The following PTPRQ variants were observed in gnomAD, a reference collection of about 807,000 sequenced individuals.
The protein encoded by PTPRQ is protein tyrosine phosphatase receptor type Q.
PTPRQ carries 199 observed loss-of-function variants against 246.0 expected under a neutral mutation model. The observed-to-expected ratio is 0.81, with a 90% CI of 0.72 to 0.91. The LOEUF is 0.91. Among genes scored for constraint, PTPRQ ranks in the 40% least tolerant of loss-of-function variants. PTPRQ has a pLI of 0.00. For missense variants in PTPRQ, 2,624 were observed against 2,528.4 expected (o/e 1.04, Z -0.81); for synonymous variants, 869 against 853.2 (o/e 1.02, Z -0.32).
chr12:80,495,627 A>T (rs1894593438), intron 12 of PTPRQ, among the ~76,000 whole-genome samples: 1 of 152,100 alleles, frequency 6.6e-6, no homozygotes, highest in Admixed American at 6.6e-5. Flanking sequence ...AAATTTACTT[A>T]ACTGAAGGAA....
At chr12:80,470,764 C>T (rs543791234) in intron 7 of PTPRQ, among the ~76,000 whole-genome samples, 21 of 152,030 alleles carry the variant, frequency 1.4e-4, no homozygotes, top group Non-Finnish European at 2.8e-4. Context: ...GTGATTAAAT[C>T]AATGGATTGT....
chr12:80,521,556 G>A (rs1895487716), intron 17 of PTPRQ, among the ~76,000 whole-genome samples: 4 of 151,816 alleles, frequency 2.6e-5, no homozygotes. Flanking sequence ...GTAAGGAAGG[G>A]ATCCAGTTTC....
intron 25 of PTPRQ, among the ~76,000 whole-genome samples, chr12:80,586,247 A>C (rs1050510415): frequency 3.3e-5 from 5 of 151,952 alleles, no homozygotes; most frequent in African/African-American, 7.3e-5. Context: ...ACATGAACAG[A>C]CACTTCTCAA....
At chr12:80,523,425 C>CTTGCTTCTCTAGTTCTT (rs1362392940) in intron 17 of PTPRQ, among the ~76,000 whole-genome samples, 1 of 152,034 alleles carries the variant, frequency 6.6e-6, no homozygotes, top group African/African-American at 2.4e-5. Flanking sequence ...TGTGTTTGCT[C>CTTGCTTCTCTAGTTCTT]TTGCTTCTCT....
chr12:80,521,524 T>C (rs1035898355), intron 17 of PTPRQ, among the ~76,000 whole-genome samples: 2 of 152,330 alleles, frequency 1.3e-5, no homozygotes, highest in Non-Finnish European at 2.9e-5. Context: ...TAATCCATCT[T>C]GAATTAATTT....
At chr12:80,656,393 A>G (rs1369062664) in intron 38 of PTPRQ, among the ~76,000 whole-genome samples, 1 of 152,148 alleles carries the variant, frequency 6.6e-6, no homozygotes, top group Non-Finnish European at 1.5e-5. Flanking sequence ...AGGAGCAGAG[A>G]AGCTTAGCAA....
intron 39 of PTPRQ, among the ~76,000 whole-genome samples, chr12:80,663,278 T>C (rs1900687639): frequency 6.6e-6 from 1 of 151,962 alleles, no homozygotes; most frequent in Non-Finnish European, 1.5e-5. Context: ...TGTGTATGTA[T>C]ATAAAATATA....
intron 3 of PTPRQ, among the ~76,000 whole-genome samples, chr12:80,449,808 G>A (rs1333469215): frequency 6.6e-6 from 1 of 152,148 alleles, no homozygotes; most frequent in Admixed American, 6.5e-5. Flanking sequence ...GTCAGGTAGT[G>A]TGATGCCTCC....
Position 80,591,125 on chromosome 12 carries a change from T to A in PTPRQ, c.4609+2673T>A, listed in dbSNP as rs944699772. ...AGGATCTGCCTTGATCATTGCTTTT[T>A]TTTTTTTTTTTTTTTTTTGCGACAG... On this transcript the variant is annotated intron_variant, in intron 26 of 44. Transcript: ENST00000644991. Among the ~76,000 whole-genome samples the A allele has an allele frequency of 5.0e-4, 72 of 143,188 alleles. No individual in the cohort carries two copies. The East Asian group carries it at 6.8e-3, about 14-fold the overall frequency. 93.9% of individuals were successfully genotyped at this position (143,188 alleles called of 152,430 possible).
At chr12:80,481,890 G>T (rs972424808) in intron 8 of PTPRQ, among the ~76,000 whole-genome samples, 1 of 150,752 alleles carries the variant, frequency 6.6e-6, no homozygotes, top group Admixed American at 6.6e-5. Context: ...ACAAACAAAT[G>T]GAAGAACATT....
At chr12:80,558,302 G>C (rs192344923) in intron 25 of PTPRQ, among the ~76,000 whole-genome samples, 106 of 151,750 alleles carry the variant, frequency 7.0e-4, no homozygotes, top group African/African-American at 2.5e-3. Flanking sequence ...CGAGTAGCTG[G>C]GACTACAGGC....
At chr12:80,574,679 A>G (rs1015843971) in intron 25 of PTPRQ, among the ~76,000 whole-genome samples, 1 of 152,188 alleles carries the variant, frequency 6.6e-6, no homozygotes, top group Non-Finnish European at 1.5e-5. Flanking sequence ...TGAATTTTGC[A>G]GAAGTATTCC....
chr12:80,673,309 G>T lies in PTPRQ; in HGVS notation c.6738+5G>T. On this transcript the variant is annotated splice_donor_5th_base_variant and intron_variant, in intron 43 of 44. Transcript: ENST00000644991. ...ATGTGCATGGTGCAGAATCTGGTAA[G>T]ATCTCTAAACCTGCACTGCATTCTA... 1 of 1,546,872 alleles carries T rather than the reference G, an allele frequency of 6.5e-7. No individual in the cohort carries two copies. Among genetic ancestry groups the T allele is most frequent in the South Asian group, 1.2e-5 (1 of 82,994 alleles).
chr12:80,591,166 C>T (rs1206125228), intron 26 of PTPRQ, among the ~76,000 whole-genome samples: 2 of 135,612 alleles, frequency 1.5e-5, no homozygotes, highest in African/African-American at 5.6e-5. Context: ...CATTCTTTCA[C>T]CCAGGCTGGG....
chr12:80,580,317 C>G (rs1219785797), intron 25 of PTPRQ, among the ~76,000 whole-genome samples: 4 of 152,076 alleles, frequency 2.6e-5, no homozygotes, highest in African/African-American at 4.8e-5. Context: ...TAATGTTGAT[C>G]GCTTCATCAC....
At chr12:80,519,496 G>T (rs1895405223) in intron 17 of PTPRQ, among the ~76,000 whole-genome samples, 1 of 152,156 alleles carries the variant, frequency 6.6e-6, no homozygotes, top group African/African-American at 2.4e-5. Flanking sequence ...CTCTCACACT[G>T]GGAAGTGTGC....
chr12:80,546,605 T>C lies in PTPRQ; in HGVS notation c.3923T>C (p.Val1308Ala). The change falls in exon 24 of 45, where the codon GTC becomes GCC. Residue 1308 changes from valine (V) to alanine (A), a missense_variant. Physicochemically the swap from Val to Ala is moderately conservative, Grantham distance 64. Coordinates refer to ENST00000644991, the MANE Select transcript of PTPRQ (RefSeq NM_001145026.2). ...TEAKLVGLEP[V>A]STYSIRVSAF... ...GCCAAACTTGTTGGACTGGAACCAG[T>C]CAGCACCTACTCTATCCGTGTATCT... 1 of 1,550,886 alleles carries C rather than the reference T, an allele frequency of 6.4e-7. No homozygotes were observed. The highest frequency in any genetic ancestry group is 8.7e-7 in the Non-Finnish European group (1 of 1,146,724).
intron 27 of PTPRQ, among the ~76,000 whole-genome samples, chr12:80,609,269 G>A (rs1465645180): frequency 2.7e-5 from 4 of 147,418 alleles, no homozygotes; most frequent in Non-Finnish European, 6.0e-5. Flanking sequence ...TATACCATAT[G>A]CAAATCAATG....
chr12:80,446,418 A>G (rs2120388376), intron 3 of PTPRQ, among the ~76,000 whole-genome samples: 1 of 151,826 alleles, frequency 6.6e-6, no homozygotes, highest in African/African-American at 2.4e-5. Context: ...TAAAATTTAG[A>G]CTCCAATGAA....
Sources: allele counts gnomAD v4.1 joint callset (sites outside exome capture counted in the v4.1 genomes callset), GRCh38; gene constraint gnomAD v4.1.1; transcripts MANE v1.5; gene names NCBI Gene and HGNC (gene_info 2026-07-23, HGNC 2026-07-21).